Variants in MAPK10 observed in about 807,000 individuals in gnomAD.
MAPK10 encodes the protein JNK3 alpha protein kinase.
MAPK10 carries 25 observed loss-of-function variants against 59.3 expected under a neutral mutation model. The ratio of observed to expected loss-of-function variants is 0.42; its 90% CI spans 0.31 to 0.59. The LOEUF is 0.59. Ranked by LOEUF, MAPK10 falls within the 20% of genes least tolerant of loss-of-function variation. The pLI is 0.15. For synonymous variants in MAPK10, 190 were observed against 200.5 expected (o/e 0.95, Z 0.44); for missense variants, 351 against 568.9 (o/e 0.62, Z 3.90).
intron 1 of MAPK10, among the ~76,000 whole-genome samples, chr4:86,590,136 G>A (rs1762932862): frequency 6.6e-6 from 1 of 151,916 alleles, no homozygotes; most frequent in African/African-American, 2.4e-5. Flanking sequence ...TCTGATAACA[G>A]AAATAAAATA....
chr4:86,446,413 A>G (rs921770564), intron 1 of MAPK10, among the ~76,000 whole-genome samples: 5 of 152,120 alleles, frequency 3.3e-5, no homozygotes, highest in African/African-American at 1.2e-4. Flanking sequence ...AGAGAGTCTC[A>G]CCATGTTGCT....
intron 1 of MAPK10, among the ~76,000 whole-genome samples, chr4:86,545,880 A>G (rs1396954207): frequency 6.6e-6 from 1 of 152,246 alleles, no homozygotes; most frequent in Non-Finnish European, 1.5e-5. Flanking sequence ...ATATTGTTAA[A>G]GCAAACCACT....
intron 1 of MAPK10, among the ~76,000 whole-genome samples, chr4:86,522,485 A>G (rs1187454974): frequency 6.6e-6 from 1 of 152,118 alleles, no homozygotes; most frequent in African/African-American, 2.4e-5. Context: ...CTATTGATAC[A>G]TTTTAGCTTT....
chr4:86,527,230 T>A (rs1274197529), intron 1 of MAPK10, among the ~76,000 whole-genome samples: 1 of 146,152 alleles, frequency 6.8e-6, no homozygotes, highest in African/African-American at 2.6e-5. Flanking sequence ...GAGGATCACT[T>A]GAGCCTGGGA....
chr4:86,189,480 A>T (rs1044837426), intron 3 of MAPK10, among the ~76,000 whole-genome samples: 1 of 152,022 alleles, frequency 6.6e-6, no homozygotes, highest in Non-Finnish European at 1.5e-5. Context: ...TTTTAATTGT[A>T]TTCCTAGGTA....
intron 2 of MAPK10, among the ~76,000 whole-genome samples, chr4:86,196,334 C>CAT (rs138403094): frequency 0.085 from 12,925 of 151,910 alleles, 1,213 homozygotes; most frequent in African/African-American, 0.23. Context: ...AGCTTTTTTT[C>CAT]ATGTTTGTTG....
intron 4 of MAPK10, chr4:86,119,714 T>C (rs1346419345): frequency 1.3e-5 from 2 of 152,146 alleles, no homozygotes; most frequent in Admixed American, 6.6e-5. Flanking sequence ...AGATGCTAGG[T>C]GTGCTGCCAG....
At chr4:86,041,827 C>T (rs953173032) in intron 11 of MAPK10, among the ~76,000 whole-genome samples, 3 of 152,086 alleles carry the variant, frequency 2.0e-5, no homozygotes, top group African/African-American at 4.8e-5. Context: ...CAGATGCTGG[C>T]GAGGCTGTGG....
At chr4:86,131,514 C>T (rs2061003392) in intron 4 of MAPK10, among the ~76,000 whole-genome samples, 1 of 152,072 alleles carries the variant, frequency 6.6e-6, no homozygotes, top group East Asian at 1.9e-4. Flanking sequence ...ACTTTTACAA[C>T]AAGAATTATA....
At position 86,021,346 on chromosome 4, in the gene MAPK10, A is replaced by G. The variant is rs1746702883; in HGVS notation, c.1253-3976T>C. On this transcript the variant is annotated intron_variant, in intron 13 of 13. Coordinates refer to ENST00000641462, the MANE Select transcript of MAPK10 (RefSeq NM_138982.4). ...ACCCTGAGCTAGACACAGAGTGCTGATTGGTATGTTTACAATCCCTGAGCT... is the reference window on the plus strand; with the variant it reads ...ACCCTGAGCTAGACACAGAGTGCTGGTTGGTATGTTTACAATCCCTGAGCT... 1.3e-5 allele frequency among the ~76,000 whole-genome samples: 2 copies of G among 149,994 alleles called. 1 individual carries two copies. The highest frequency in any genetic ancestry group is 4.9e-5 in the African/African-American group (2 of 40,476).
At chr4:86,524,800 C>T (rs995317234) in intron 1 of MAPK10, among the ~76,000 whole-genome samples, 1 of 151,256 alleles carries the variant, frequency 6.6e-6, no homozygotes. Context: ...GATAATTAAC[C>T]CTACATTAGC....
chr4:86,048,525 C>A (rs1004678622), intron 11 of MAPK10, among the ~76,000 whole-genome samples: 1 of 152,020 alleles, frequency 6.6e-6, no homozygotes, highest in Non-Finnish European at 1.5e-5. Flanking sequence ...TCTATTAAAG[C>A]CACATGTCAT....
chr4:86,075,095 TTTTA>T (rs2048981730), intron 9 of MAPK10, among the ~76,000 whole-genome samples: 3 of 150,640 alleles, frequency 2.0e-5, no homozygotes. Flanking sequence ...GCTCATTTCT[TTTTA>T]TTCTTTTTTC....
At chr4:86,078,877 T>C (rs1208825724) in intron 9 of MAPK10, among the ~76,000 whole-genome samples, 1 of 151,836 alleles carries the variant, frequency 6.6e-6, no homozygotes, top group Non-Finnish European at 1.5e-5. Context: ...TAATCCCAGC[T>C]ACTCAGGAGG....
intron 11 of MAPK10, among the ~76,000 whole-genome samples, chr4:86,033,593 T>C (rs189340262): frequency 4.5e-4 from 69 of 152,350 alleles, no homozygotes; most frequent in Non-Finnish European, 9.1e-4. Flanking sequence ...GTTGCTGATA[T>C]ATAAAGCACA....
chr4:86,171,804 G>A (rs1333985385), intron 3 of MAPK10, among the ~76,000 whole-genome samples: 6 of 150,680 alleles, frequency 4.0e-5, no homozygotes, highest in Non-Finnish European at 5.9e-5. Flanking sequence ...TACAAAATGG[G>A]AGAAAATTTT....
At chr4:86,043,302 G>A (rs2041923849) in intron 11 of MAPK10, among the ~76,000 whole-genome samples, 1 of 152,174 alleles carries the variant, frequency 6.6e-6, no homozygotes, top group Non-Finnish European at 1.5e-5. Flanking sequence ...GAGAACAGGT[G>A]TGCTGCCACC....
rs1001968723 is a variant in MAPK10, at chr4:86,225,659, A to G, written c.-6-31252T>C. 2.0e-5 allele frequency among the ~76,000 whole-genome samples: 3 copies of G among 152,302 alleles called. No individual in the cohort carries two copies. The Middle Eastern group carries it at 0.01, about 518-fold the overall frequency. On this transcript the variant is annotated intron_variant, in intron 2 of 13. Transcript: ENST00000641462. The stretch of plus-strand genomic sequence containing the variant: ...CCCCCCAACACATTTTCCATATTTT[A>G]TCGGTAACATAACGAGAGAGTGAAT...
At chr4:86,159,854 A>T (rs2068979442) in intron 3 of MAPK10, among the ~76,000 whole-genome samples, 1 of 152,000 alleles carries the variant, frequency 6.6e-6, no homozygotes, top group African/African-American at 2.4e-5. Context: ...GACAAAGATG[A>T]TCACTGGTCA....
Sources: allele counts gnomAD v4.1 joint callset (sites outside exome capture counted in the v4.1 genomes callset), GRCh38; gene constraint gnomAD v4.1.1; transcripts MANE v1.5; gene names NCBI Gene and HGNC (gene_info 2026-07-23, HGNC 2026-07-21).